GRM5: variants seen among roughly 807,000 people sequenced by gnomAD.
GRM5 encodes metabotropic glutamate receptor 5.
In GRM5, 19 loss-of-function variants were observed where a neutral mutation model predicts 83.1. The ratio of observed to expected loss-of-function variants is 0.23; its 90% CI spans 0.16 to 0.34. The LOEUF is 0.34. Among genes scored for constraint, GRM5 ranks in the 10% least tolerant of loss-of-function variants. GRM5 has a pLI of 1.00. For synonymous variants in GRM5, 675 were observed against 633.6 expected (o/e 1.07, Z -0.98); for missense variants, 1,160 against 1,588.3 (o/e 0.73, Z 4.58).
chr11:89,051,605 G>C (rs1941763259), intron 1 of GRM5, among the ~76,000 whole-genome samples: 1 of 152,100 alleles, frequency 6.6e-6, no homozygotes, highest in Non-Finnish European at 1.5e-5. Flanking sequence ...AGCTACTCAG[G>C]AGGCTGAGGC....
chr11:88,915,895 C>T (rs948100919), intron 2 of GRM5, among the ~76,000 whole-genome samples: 2 of 151,870 alleles, frequency 1.3e-5, no homozygotes, highest in Non-Finnish European at 2.9e-5. Flanking sequence ...AACTGAAGGC[C>T]GAATAGTCTT....
At chr11:89,039,930 G>T (rs1215457462) in intron 2 of GRM5, among the ~76,000 whole-genome samples, 3 of 152,154 alleles carry the variant, frequency 2.0e-5, no homozygotes, top group Non-Finnish European at 4.4e-5. Context: ...CTCCCAAGGA[G>T]CTGGGTGCAC....
intron 2 of GRM5, among the ~76,000 whole-genome samples, chr11:88,900,604 C>G (rs539152043): frequency 7.2e-5 from 11 of 152,026 alleles, no homozygotes; most frequent in Non-Finnish European, 1.3e-4. Context: ...GGTATAATGG[C>G]CTTCTGTATG....
chr11:88,983,135 G>T (rs1939582268), intron 2 of GRM5, among the ~76,000 whole-genome samples: 1 of 152,118 alleles, frequency 6.6e-6, no homozygotes, highest in South Asian at 2.1e-4. Flanking sequence ...TGTTTCTTTG[G>T]TCAGGTATTC....
intron 2 of GRM5, among the ~76,000 whole-genome samples, chr11:89,022,948 TC>T (rs1941024168): frequency 6.6e-6 from 1 of 152,158 alleles, no homozygotes; most frequent in Non-Finnish European, 1.5e-5. Flanking sequence ...AAATGTCTCA[TC>T]CCCAGAGTTT....
At chr11:88,688,906 A>T (rs1013977286) in intron 3 of GRM5, among the ~76,000 whole-genome samples, 3 of 152,290 alleles carry the variant, frequency 2.0e-5, no homozygotes, top group African/African-American at 7.2e-5. Flanking sequence ...TAGCTGCAAC[A>T]TGTGAGACAA....
At chr11:88,967,871 A>G (rs1939034400) in intron 2 of GRM5, among the ~76,000 whole-genome samples, 3 of 152,228 alleles carry the variant, frequency 2.0e-5, no homozygotes, top group Admixed American at 2.0e-4. Flanking sequence ...GAGGAAGGAA[A>G]TACCTAACCT....
intron 8 of GRM5, among the ~76,000 whole-genome samples, chr11:88,541,317 G>A (rs1227257792): frequency 6.6e-6 from 1 of 152,140 alleles, no homozygotes; most frequent in Non-Finnish European, 1.5e-5. Context: ...CCTAAGCTAG[G>A]AGTTTCATTG....
rs865808297 is a variant in GRM5, at chr11:88,603,730, G to T, written c.1394+988C>A. On this transcript the variant is annotated intron_variant, in intron 5 of 9. Transcript: ENST00000305447. ...GTGAAATAGTAACAGCTGCATTTGGGATAAGCTCCAGCTCATCTTAGAATG... is the reference window on the plus strand; with the variant it reads ...GTGAAATAGTAACAGCTGCATTTGGTATAAGCTCCAGCTCATCTTAGAATG... 4.6e-5 allele frequency among the ~76,000 whole-genome samples: 7 copies of T among 152,186 alleles called. No homozygotes were observed. The South Asian group carries it at 6.2e-4, about 14-fold the overall frequency.
intron 8 of GRM5, among the ~76,000 whole-genome samples, chr11:88,539,310 C>A (rs4753502): frequency 6.6e-6 from 1 of 151,976 alleles, no homozygotes; most frequent in African/African-American, 2.4e-5. Context: ...AACTTTAGGT[C>A]TCACAAAGCC....
intron 3 of GRM5, among the ~76,000 whole-genome samples, chr11:88,820,204 C>G (rs1028861502): frequency 3.3e-5 from 5 of 149,890 alleles, no homozygotes; most frequent in African/African-American, 1.0e-4. Context: ...CACAGTGAAA[C>G]CCCATCTCTA....
rs71046259 is a variant in GRM5 at position 88,668,212 on chromosome 11, G to GCACACACACACACA, written c.912-14823_912-14810dup. On this transcript the variant is annotated intron_variant, in intron 3 of 9. Transcript: ENST00000305447. Reference sequence around the variant, plus strand: ...TTATTTAAAACATCTGCAGAAACTCGCACACACACACACACACACAAAGAC... The same window carrying GCACACACACACACA: ...TTATTTAAAACATCTGCAGAAACTCGCACACACACACACACACACACACACACACACACAAAGAC... Among the ~76,000 whole-genome samples, 547 of 142,666 alleles carry GCACACACACACACA rather than the reference G, an allele frequency of 3.8e-3. 8 individuals are homozygous for GCACACACACACACA. In the East Asian group the frequency reaches 0.055, roughly 14 times the overall value. The allele number at this position is 142,666 out of a possible 152,430, so 93.6% of individuals were successfully genotyped here. A position where few individuals can be genotyped will look rare whatever the true frequency, so the allele number is the denominator to read the frequency against.
chr11:88,951,667 CTCTGAG>C (rs1398212748), intron 2 of GRM5, among the ~76,000 whole-genome samples: 1 of 152,224 alleles, frequency 6.6e-6, no homozygotes, highest in Non-Finnish European at 1.5e-5. Flanking sequence ...TGCTTATCCC[CTCTGAG>C]TCTCAGTTTT....
intron 4 of GRM5, among the ~76,000 whole-genome samples, chr11:88,625,047 T>G (rs182764982): frequency 8.2e-4 from 125 of 152,294 alleles, no homozygotes; most frequent in Non-Finnish European, 1.4e-3. Context: ...GAAATTAAAA[T>G]GCCTTATTAT....
chr11:88,820,550 C>G, intron 3 of GRM5, among the ~76,000 whole-genome samples: 1 of 152,124 alleles, frequency 6.6e-6, no homozygotes, highest in East Asian at 1.9e-4. Flanking sequence ...CTATGATGAA[C>G]CTGGCTTTTA....
At chr11:88,742,153 C>T (rs1942042513) in intron 3 of GRM5, among the ~76,000 whole-genome samples, 1 of 151,906 alleles carries the variant, frequency 6.6e-6, no homozygotes, top group Admixed American at 6.6e-5. Flanking sequence ...GGGATTAGAG[C>T]TGCAGAAGAT....
At chr11:88,808,847 G>A (rs1281210970) in intron 3 of GRM5, among the ~76,000 whole-genome samples, 1 of 151,844 alleles carries the variant, frequency 6.6e-6, no homozygotes, top group East Asian at 1.9e-4. Context: ...CCCTTAACAT[G>A]AATTAATTCT....
intron 3 of GRM5, among the ~76,000 whole-genome samples, chr11:88,804,843 G>A (rs1461608486): frequency 6.6e-6 from 1 of 152,154 alleles, no homozygotes; most frequent in Admixed American, 6.5e-5. Context: ...GGCAGAGGAT[G>A]AGGGATGAGA....
chr11:88,532,388 G>A (rs1428513377), intron 8 of GRM5, among the ~76,000 whole-genome samples: 1 of 152,148 alleles, frequency 6.6e-6, no homozygotes, highest in Non-Finnish European at 1.5e-5. Context: ...AATAGTAAAA[G>A]TTATTGAATG....
Sources: allele counts gnomAD v4.1 joint callset (sites outside exome capture counted in the v4.1 genomes callset), GRCh38; gene constraint gnomAD v4.1.1; transcripts MANE v1.5; gene names NCBI Gene and HGNC (gene_info 2026-07-23, HGNC 2026-07-21).